The following PKHD1 variants were observed in gnomAD, a reference collection of about 807,000 sequenced individuals.
PKHD1 encodes the protein PKHD1 ciliary IPT domain containing fibrocystin/polyductin.
Under a neutral mutation model 412.0 loss-of-function variants are expected in PKHD1, and 291 were observed. That is an observed-to-expected ratio of 0.71 (90% CI 0.64 to 0.78). The LOEUF is 0.78. Among genes scored for constraint, PKHD1 ranks in the 30% least tolerant of loss-of-function variants. The probability of loss-of-function intolerance (pLI) is 0.00; values close to 1 mark genes in which losing one functional copy is unlikely to be tolerated. For missense variants in PKHD1, 4,825 were observed against 4,950.7 expected, an observed-to-expected ratio of 0.97 and a Z score of 0.76; for synonymous variants, 1,777 against 1,821.5, an observed-to-expected ratio of 0.98 and a Z score of 0.62.
At chr6:51,671,717 T>G (rs545971663) in intron 60 of PKHD1, among the ~76,000 whole-genome samples, 2 of 152,308 alleles carry the variant, frequency 1.3e-5, no homozygotes, top group East Asian at 3.9e-4. Context: ...GATGTACAGA[T>G]GAGTTTTTGG....
Position 51,891,828 on chromosome 6 carries a change from T to C in PKHD1, c.6997-4583A>G, listed in dbSNP as rs181006975. Among the ~76,000 whole-genome samples the C allele has an allele frequency of 2.0e-5, 3 of 152,118 alleles. No homozygotes were observed. In the East Asian group the frequency reaches 5.8e-4, roughly 29 times the overall value. On this transcript the variant is annotated intron_variant, in intron 43 of 66. Transcript: ENST00000371117. ...CCCAATAACGCCCAATTCCCTGCCTTGTGTGACAGAAAGAACCAATGCCTC... is the reference window on the plus strand; with the variant it reads ...CCCAATAACGCCCAATTCCCTGCCTCGTGTGACAGAAAGAACCAATGCCTC...
At chr6:52,009,747 G>C (rs995827235) in intron 35 of PKHD1, among the ~76,000 whole-genome samples, 2 of 152,140 alleles carry the variant, frequency 1.3e-5, no homozygotes, top group South Asian at 4.2e-4. Flanking sequence ...CCACTTGGAG[G>C]GAGTGGTTTA....
rs560639053 is a variant in PKHD1, at chr6:52,086,630, G to A, written c.-85+804C>T. ...CAAACATTTATTGTATGCCCACTAC[G>A]TGCTAAGCACTATACTAAAAGTTGG... On this transcript the variant is annotated intron_variant, in intron 1 of 66. Transcript: ENST00000371117. 2.8e-4 allele frequency among the ~76,000 whole-genome samples: 42 copies of A among 152,134 alleles called. 1 individual carries two copies. Among genetic ancestry groups the A allele is most frequent in the African/African-American group, 9.2e-4 (38 of 41,498 alleles).
chr6:51,992,133 T>C (rs1447676227), intron 35 of PKHD1, among the ~76,000 whole-genome samples: 1 of 152,250 alleles, frequency 6.6e-6, no homozygotes, highest in Non-Finnish European at 1.5e-5. Context: ...GTCATCACTT[T>C]AAAGTTTCAT....
At chr6:51,809,502 T>A (rs747923114) in intron 52 of PKHD1, among the ~76,000 whole-genome samples, 1 of 152,100 alleles carries the variant, frequency 6.6e-6, no homozygotes, top group Non-Finnish European at 1.5e-5. Flanking sequence ...TTGCCAGTTG[T>A]ATATTTGCTT....
chr6:51,995,421 T>G (rs761073800), intron 35 of PKHD1, among the ~76,000 whole-genome samples: 20 of 152,272 alleles, frequency 1.3e-4, no homozygotes, highest in Non-Finnish European at 2.1e-4. Flanking sequence ...TTCTAGTAAC[T>G]GCCTTCCTGG....
rs199863048 is a variant in PKHD1, at chr6:51,887,137, T to G, written c.7105A>C (p.Thr2369Pro). 2 of 1,592,792 alleles carry G rather than the reference T, an allele frequency of 1.3e-6. No individual in the cohort carries two copies. The highest frequency in any genetic ancestry group is 1.7e-6 in the Non-Finnish European group (2 of 1,160,504). Residue 2369 changes from threonine to proline, a missense_variant, in exon 44 of 67, where the codon ACC (threonine) becomes CCC (proline). Transcript: ENST00000371117. Reference protein sequence around the residue: ...SFTQNIAHSCTRYGLFVYPKF... With the variant: ...SFTQNIAHSCPRYGLFVYPKF... ...GATGAATTTCCCCAAAGTTACCTGG[T>G]ACAAGAATGTGCAATGTTCTGAGTG...
chr6:52,032,513 A>G (rs1194522490), intron 29 of PKHD1, among the ~76,000 whole-genome samples: 1 of 152,204 alleles, frequency 6.6e-6, no homozygotes, highest in East Asian at 1.9e-4. Context: ...CTCTAATCAT[A>G]TTAAATAACT....
intron 64 of PKHD1, among the ~76,000 whole-genome samples, chr6:51,637,334 C>A (rs1024659283): frequency 2.6e-5 from 4 of 152,260 alleles, no homozygotes; most frequent in African/African-American, 9.6e-5. Flanking sequence ...GGACACTACA[C>A]GTTTGTTATG....
chr6:51,810,508 T>A (rs1436286867), intron 52 of PKHD1, among the ~76,000 whole-genome samples: 5 of 152,196 alleles, frequency 3.3e-5, no homozygotes, highest in African/African-American at 9.6e-5. Flanking sequence ...CCAAGACTTG[T>A]GATTGGGAAC....
At chr6:51,625,238 C>T (rs1488383037) in intron 66 of PKHD1, among the ~76,000 whole-genome samples, 1 of 152,072 alleles carries the variant, frequency 6.6e-6, no homozygotes, top group Non-Finnish European at 1.5e-5. Context: ...GAGAGACAGC[C>T]AGTCACTTTA....
At chr6:51,690,012 G>A (rs564597455) in intron 60 of PKHD1, among the ~76,000 whole-genome samples, 16 of 152,054 alleles carry the variant, frequency 1.1e-4, no homozygotes, top group South Asian at 4.2e-4. Context: ...GGTGGCTCAC[G>A]CCTGTAATCC....
intron 35 of PKHD1, among the ~76,000 whole-genome samples, chr6:51,970,252 G>A (rs1167304740): frequency 6.6e-6 from 1 of 152,102 alleles, no homozygotes; most frequent in Non-Finnish European, 1.5e-5. Flanking sequence ...AAAAATGTCT[G>A]TTTGTGTCCT....
intron 55 of PKHD1, among the ~76,000 whole-genome samples, chr6:51,766,456 T>C (rs1028926582): frequency 2.0e-5 from 3 of 152,124 alleles, no homozygotes; most frequent in East Asian, 1.9e-4. Context: ...TTTTCCATCT[T>C]TGCCAAATTA....
chr6:51,775,423 T>C (rs895886511), intron 54 of PKHD1, among the ~76,000 whole-genome samples: 7 of 151,878 alleles, frequency 4.6e-5, no homozygotes, highest in African/African-American at 1.4e-4. Flanking sequence ...AATAAAGAAA[T>C]TGTCAACAGT....
chr6:51,644,665 A>C (rs937495316), intron 63 of PKHD1, among the ~76,000 whole-genome samples: 1 of 152,026 alleles, frequency 6.6e-6, no homozygotes, highest in Admixed American at 6.6e-5. Flanking sequence ...CATGAGGTGC[A>C]CAGGAAATTG....
chr6:52,076,381 C>T (rs112499544), intron 5 of PKHD1, 48 bp from the exon 6 acceptor site: 1 of 1,409,270 alleles, frequency 7.1e-7, no homozygotes, highest in African/African-American at 1.4e-5. Context: ...AAAATATTCA[C>T]AAACACAGGA....
At chr6:51,681,376 G>A (rs1219147354) in intron 60 of PKHD1, among the ~76,000 whole-genome samples, 1 of 152,012 alleles carries the variant, frequency 6.6e-6, no homozygotes, top group Non-Finnish European at 1.5e-5. Flanking sequence ...GCAATGTCAT[G>A]TTTGGTTGAC....
chr6:51,850,383 T>A (rs1484151391), intron 49 of PKHD1, among the ~76,000 whole-genome samples: 1 of 152,248 alleles, frequency 6.6e-6, no homozygotes, highest in African/African-American at 2.4e-5. Flanking sequence ...CAGGGTCTTC[T>A]TCGATTCCAT....
Sources: allele counts gnomAD v4.1 joint callset (sites outside exome capture counted in the v4.1 genomes callset), GRCh38; gene constraint gnomAD v4.1.1; transcripts MANE v1.5; gene names NCBI Gene and HGNC (gene_info 2026-07-23, HGNC 2026-07-21).